Variants in NOS1 observed in about 807,000 individuals in gnomAD.
NOS1 encodes nitric oxide synthase 1.
In NOS1, 51 loss-of-function variants were observed where a neutral mutation model predicts 164.5. That is an observed-to-expected ratio of 0.31 (90% CI 0.25 to 0.39). NOS1 has a LOEUF of 0.39. NOS1 is among the 10% of genes least tolerant of loss of function. The pLI is 1.00. For missense variants in NOS1, 1,362 were observed against 1,885.6 expected (o/e 0.72, Z 5.14); for synonymous variants, 719 against 745.8 (o/e 0.96, Z 0.59).
intron 13 of NOS1, 86 bp from the exon 14 acceptor site, chr12:117,260,695 G>A: frequency 2.1e-6 from 3 of 1,429,252 alleles, no homozygotes; most frequent in South Asian, 1.3e-5. Context: ...CAAGAACCAG[G>A]ATCCATGAAA....
At chr12:117,254,785 T>C (rs1291772715) in intron 16 of NOS1, among the ~76,000 whole-genome samples, 1 of 152,162 alleles carries the variant, frequency 6.6e-6, no homozygotes, top group Non-Finnish European at 1.5e-5. Context: ...GTGGCTGCTA[T>C]AGTGGACAGC....
intron 1 of NOS1, among the ~76,000 whole-genome samples, chr12:117,337,142 G>A (rs1184280041): frequency 2.7e-5 from 3 of 109,826 alleles, no homozygotes; most frequent in African/African-American, 1.1e-4. Flanking sequence ...TTGAGACGGA[G>A]TCTTGCTCTG....
chr12:117,239,588 T>C (rs1261098338), intron 20 of NOS1, among the ~76,000 whole-genome samples: 2 of 152,250 alleles, frequency 1.3e-5, no homozygotes, highest in African/African-American at 4.8e-5. Context: ...ATTAGTGGTC[T>C]CTCACAGGGG....
In NOS1 at chr12:117,270,449, G is replaced by A. The variant is rs1872709682; in HGVS notation, c.1839+1936C>T. On this transcript the variant is annotated intron_variant, in intron 10 of 28. Coordinates refer to ENST00000317775, the MANE Select transcript of NOS1 (RefSeq NM_000620.5). ...CTTTGAGGCTGAGGCATTAGTTTCT[G>A]CTTGGGGTCTCTATCAGCGACACAT... Among the ~76,000 whole-genome samples the A allele has an allele frequency of 3.3e-5, 5 of 151,958 alleles. No homozygotes were observed. The South Asian group carries it at 8.3e-4, about 25-fold the overall frequency.
In NOS1 at chr12:117,242,696, T is replaced by G; in HGVS notation, c.2972A>C (p.Asn991Thr). The change falls in exon 20 of 29, where the codon AAT (asparagine) becomes ACT (threonine). Residue 991 changes from asparagine to threonine, a missense_variant. By Grantham distance (65) the Asn-to-Thr change is moderately conservative. Around this residue, in one of 4 missense-constraint regions of NOS1, gnomAD observed 737 missense variants for 1,030.3 expected, o/e 0.72. Transcript: ENST00000317775. ...EAPELTQGLS[N>T]VHKKRVSAAR... ...AGCTGAGACTCGCTTTTTGTGGACA[T>G]TGGATAGACCTGTGGGGAGAAAAAC... 1 of 1,614,060 alleles carries G rather than the reference T, an allele frequency of 6.2e-7. No homozygotes were observed. The highest frequency in any genetic ancestry group is 1.1e-5 in the South Asian group (1 of 91,074).
intron 17 of NOS1, among the ~76,000 whole-genome samples, chr12:117,247,818 C>T (rs41372344): frequency 1.1e-4 from 17 of 151,934 alleles, no homozygotes; most frequent in East Asian, 7.7e-4. Context: ...TGGTGGCAGG[C>T]GCCTGTAGTC....
chr12:117,322,420 C>G, intron 2 of NOS1, among the ~76,000 whole-genome samples: 1 of 141,582 alleles, frequency 7.1e-6, no homozygotes, highest in Non-Finnish European at 1.5e-5. Context: ...TTCCTTCCCT[C>G]CTCCCTTTCC....
chr12:117,303,644 T>C (rs1173263941), intron 3 of NOS1, among the ~76,000 whole-genome samples: 1 of 152,156 alleles, frequency 6.6e-6, no homozygotes, highest in Non-Finnish European at 1.5e-5. Flanking sequence ...GTTTGACTGA[T>C]GCTTAATTGG....
chr12:117,253,409 G>A (rs1467827311), intron 17 of NOS1, among the ~76,000 whole-genome samples: 1 of 152,128 alleles, frequency 6.6e-6, no homozygotes, highest in Non-Finnish European at 1.5e-5. Flanking sequence ...CTCTGAGGGA[G>A]TGTGTATATG....
At chr12:117,313,250 C>A (rs1010283052) in intron 2 of NOS1, among the ~76,000 whole-genome samples, 1 of 152,180 alleles carries the variant, frequency 6.6e-6, no homozygotes. Flanking sequence ...TAGCCTAAGT[C>A]ACACGCTAGT....
intron 27 of NOS1, among the ~76,000 whole-genome samples, chr12:117,219,791 G>A (rs1956671955): frequency 6.6e-6 from 1 of 152,168 alleles, no homozygotes; most frequent in South Asian, 2.1e-4. Flanking sequence ...GAGAAGTTAG[G>A]TTAGAATGGT....
intron 7 of NOS1, among the ~76,000 whole-genome samples, chr12:117,283,248 G>A (rs529481527): frequency 2.0e-5 from 3 of 152,046 alleles, no homozygotes; most frequent in East Asian, 3.9e-4. Flanking sequence ...TTTCTGTAGA[G>A]ATGGGGTTTC....
In NOS1 at chr12:117,260,598, A is replaced by C; in HGVS notation, c.2234T>G (p.Phe745Cys). ...AGCCTGCCCCATCAGCTTGGCCGAGAACTTGACAGCTCTGGAGGGAAGAGG... is the reference window on the plus strand; with the variant it reads ...AGCCTGCCCCATCAGCTTGGCCGAGCACTTGACAGCTCTGGAGGGAAGAGG... ...GFKKLAEAVK[F>C]SAKLMGQAMA... Residue 745 changes from phenylalanine to cysteine, a missense_variant, in exon 14 of 29, where the codon TTC becomes TGC. Phe to Cys is a radical substitution (Grantham distance 205, BLOSUM62 -2). This residue lies in a region of NOS1 where 737 missense variants were observed against 1,030.3 expected (regional missense o/e 0.72). Coordinates refer to ENST00000317775, the MANE Select transcript of NOS1 (RefSeq NM_000620.5). The C allele has an allele frequency of 6.2e-7, 1 of 1,613,768 alleles. No homozygotes were observed.
chr12:117,328,972 C>T (rs1875397041), intron 2 of NOS1, among the ~76,000 whole-genome samples: 1 of 152,194 alleles, frequency 6.6e-6, no homozygotes, highest in African/African-American at 2.4e-5. Context: ...CGGAATGCTG[C>T]AGGCAACTGT....
At chr12:117,296,719 C>T (rs986683881) in intron 3 of NOS1, among the ~76,000 whole-genome samples, 1 of 152,194 alleles carries the variant, frequency 6.6e-6, no homozygotes, top group Non-Finnish European at 1.5e-5. Context: ...ATACAAAGCC[C>T]TAACCTCCAT....
chr12:117,285,705 C>A (rs984070769), intron 6 of NOS1, among the ~76,000 whole-genome samples: 2 of 152,078 alleles, frequency 1.3e-5, no homozygotes, highest in African/African-American at 4.8e-5. Context: ...ATCTTGATAA[C>A]AAATCTACTT....
Position 117,225,020 on chromosome 12 carries a change from G to A in NOS1, c.3822C>T (p.His1274=). ...GGCCACTGGACTGTAACCCACCTTT[G>A]TGTTGGATATCAAATTGCCGCTGTT... ...FWQQRQFDIQ[H]KGMNPCPMVL... Residue 1274 remains histidine (H), a synonymous_variant, in exon 25 of 29, where the codon CAC becomes CAT. Transcript: ENST00000317775. The A allele has an allele frequency of 6.2e-7, 1 of 1,614,154 alleles. No homozygotes were observed.
In NOS1 at chr12:117,283,249, A is replaced by G. The variant is rs1299712695; in HGVS notation, c.1382+1992T>C. Among the ~76,000 whole-genome samples, 3 of 151,810 alleles carry G rather than the reference A, an allele frequency of 2.0e-5. No homozygotes were observed. In the East Asian group the frequency reaches 5.8e-4, roughly 29 times the overall value. ...CTAATTTTTTGCATTTTCTGTAGAG[A>G]TGGGGTTTCACCATATTGCCCAGGC... On this transcript the variant is annotated intron_variant, in intron 7 of 28. Transcript: ENST00000317775.
chr12:117,265,512 T>C lies in NOS1; in HGVS notation c.1942-2A>G. 6.6e-7 allele frequency: 1 copy of C among 1,522,806 alleles called. No individual in the cohort carries two copies. Among genetic ancestry groups the C allele is most frequent in the Non-Finnish European group, 8.9e-7 (1 of 1,128,622 alleles). The allele number at this position is 1,522,806 out of a possible 1,614,324, so 94.3% of individuals were successfully genotyped here. On this transcript the variant is annotated splice_acceptor_variant, in intron 11 of 28. Coordinates refer to ENST00000317775, the MANE Select transcript of NOS1 (RefSeq NM_000620.5). LOFTEE classifies it high-confidence loss of function. Reference sequence around the variant, plus strand: ...GTCAACAATGGTCACTTTGTCACTCTGTGGGAGGAGAGGGGACAGGGGTCA... The same window carrying C: ...GTCAACAATGGTCACTTTGTCACTCCGTGGGAGGAGAGGGGACAGGGGTCA...
Sources: gnomAD v4.1 joint callset for allele counts (sites outside exome capture counted in the v4.1 genomes callset) on GRCh38, gnomAD v4.1.1 for gene constraint, gnomAD v4.1.1 regional missense constraint, MANE v1.5 for transcripts, NCBI Gene and HGNC (gene_info 2026-07-23, HGNC 2026-07-21) for gene names.